ARID5B: variants seen among roughly 807,000 people sequenced by gnomAD.
The protein encoded by ARID5B is AT-rich interactive domain-containing protein 5B.
ARID5B carries 13 observed loss-of-function variants against 97.2 expected under a neutral mutation model. The ratio of observed to expected loss-of-function variants is 0.13; its 90% CI spans 0.09 to 0.21. ARID5B has a LOEUF of 0.21. Ranked by LOEUF, ARID5B falls within the 10% of genes least tolerant of loss-of-function variation. ARID5B has a pLI of 1.00. For missense variants in ARID5B, 1,210 were observed against 1,465.3 expected, an observed-to-expected ratio of 0.83 and a Z score of 2.84; for synonymous variants, 556 against 570.3, an observed-to-expected ratio of 0.97 and a Z score of 0.36.
intron 4 of ARID5B, among the ~76,000 whole-genome samples, chr10:62,030,546 G>A (rs1446521508): frequency 1.3e-5 from 2 of 152,220 alleles, no homozygotes; most frequent in African/African-American, 4.8e-5. Context: ...CTGCTTACAT[G>A]GATGAGTGGG....
chr10:62,011,799 A>G (rs192236157), intron 4 of ARID5B, among the ~76,000 whole-genome samples: 1 of 152,340 alleles, frequency 6.6e-6, no homozygotes, highest in East Asian at 1.9e-4. Flanking sequence ...AGAGTAGTGA[A>G]TGAAGCTAAG....
chr10:61,963,568 G>A (rs1253203147), intron 3 of ARID5B, among the ~76,000 whole-genome samples: 1 of 151,934 alleles, frequency 6.6e-6, no homozygotes, highest in African/African-American at 2.4e-5. Context: ...TGACCTATAT[G>A]TCTCTCCCTG....
chr10:61,910,465 A>C (rs1188941070), intron 2 of ARID5B, among the ~76,000 whole-genome samples: 1 of 152,218 alleles, frequency 6.6e-6, no homozygotes, highest in Non-Finnish European at 1.5e-5. Flanking sequence ...TTGTTGGCTT[A>C]AGGATTCATT....
At chr10:61,981,174 T>C (rs1838772039) in intron 3 of ARID5B, among the ~76,000 whole-genome samples, 1 of 152,138 alleles carries the variant, frequency 6.6e-6, no homozygotes, top group Non-Finnish European at 1.5e-5. Flanking sequence ...GAAATACACA[T>C]CAAGGGCTTA....
In ARID5B at chr10:61,995,798, T is replaced by C. The variant is rs77450045; in HGVS notation, c.503-4293T>C. On this transcript the variant is annotated intron_variant, in intron 3 of 9. Coordinates refer to ENST00000279873, the MANE Select transcript of ARID5B (RefSeq NM_032199.3). ...TTTCCCTTTTACTTTTCACTTAGAA[T>C]GCTTTGTAAACTTTCCTAGGAGTCC... Among the ~76,000 whole-genome samples, 7 of 152,330 alleles carry C rather than the reference T, an allele frequency of 4.6e-5. No homozygotes were observed. The East Asian group carries it at 1.3e-3, about 29-fold the overall frequency.
chr10:62,070,140 T>C (rs1240072720), intron 8 of ARID5B, among the ~76,000 whole-genome samples: 1 of 152,156 alleles, frequency 6.6e-6, no homozygotes, highest in Non-Finnish European at 1.5e-5. Flanking sequence ...AATGCTACTC[T>C]GAGGTTGACA....
chr10:62,084,334 G>A (rs371919637), intron 8 of ARID5B, among the ~76,000 whole-genome samples: 4 of 152,276 alleles, frequency 2.6e-5, no homozygotes, highest in Admixed American at 6.5e-5. Flanking sequence ...CTGAACAATC[G>A]TGTATGGTTA....
intron 5 of ARID5B, among the ~76,000 whole-genome samples, chr10:62,053,255 C>A (rs900681003): frequency 6.6e-6 from 1 of 152,182 alleles, no homozygotes; most frequent in Non-Finnish European, 1.5e-5. Flanking sequence ...TTTAAAAGTG[C>A]CTCAAACAGA....
At chr10:61,974,234 G>A (rs1186287477) in intron 3 of ARID5B, among the ~76,000 whole-genome samples, 2 of 152,210 alleles carry the variant, frequency 1.3e-5, no homozygotes, top group Admixed American at 1.3e-4. Context: ...ATAACGCAAA[G>A]TGATTATTTG....
Position 62,000,078 on chromosome 10 carries a change from C to T in ARID5B, c.503-13C>T, listed in dbSNP as rs772433782. Reference sequence around the variant, plus strand: ...GGGAAGAGGGTAATGGAAGTGTTTTCTCGTTTGTCTAGGGGAGGACGAGGA... The same window carrying T: ...GGGAAGAGGGTAATGGAAGTGTTTTTTCGTTTGTCTAGGGGAGGACGAGGA... On this transcript the variant is annotated splice_polypyrimidine_tract_variant and intron_variant, in intron 3 of 9. Transcript: ENST00000279873. This position sits in a 1 kb window ranked among gnomAD's most constrained non-coding sequence, Gnocchi z 4.4. 6.2e-7 allele frequency: 1 copy of T among 1,612,934 alleles called. No homozygotes were observed. The highest frequency in any genetic ancestry group is 8.5e-7 in the Non-Finnish European group (1 of 1,179,040).
chr10:62,069,580 TTC>T (rs755936956), intron 7 of ARID5B, 118 bp from the exon 8 acceptor site: 11 of 823,172 alleles, frequency 1.3e-5, no homozygotes, highest in Non-Finnish European at 1.8e-5. Flanking sequence ...TCTTTTGGAC[TTC>T]TCTGTTTCTG....
chr10:62,077,029 G>T (rs1165014640), intron 8 of ARID5B, among the ~76,000 whole-genome samples: 2 of 152,176 alleles, frequency 1.3e-5, no homozygotes, highest in Admixed American at 1.3e-4. Flanking sequence ...AAAACAAGTT[G>T]CCCAGAGTTA....
chr10:61,962,993 G>GT (rs758366419), intron 3 of ARID5B, among the ~76,000 whole-genome samples: 45 of 151,800 alleles, frequency 3.0e-4, no homozygotes, highest in Middle Eastern at 3.4e-3. Flanking sequence ...CCCTACAGTT[G>GT]TTTTTTTTCT....
chr10:62,065,633 C>G (rs527855639), intron 7 of ARID5B, among the ~76,000 whole-genome samples: 1 of 152,002 alleles, frequency 6.6e-6, no homozygotes, highest in African/African-American at 2.4e-5. Context: ...ATCACGAGGT[C>G]AGGAGATCGA....
chr10:62,092,999 T>G lies in ARID5B; in HGVS notation c.3536T>G (p.Leu1179Arg). 1 of 1,612,022 alleles carries G rather than the reference T, an allele frequency of 6.2e-7. No homozygotes were observed. ...NPQAAFPSSQ[L>R]SSVHPSTKL ...CAAGCTGCCTTTCCATCTTCCCAGC[T>G]GTCATCCGTGCACCCCAGTACAAAA... Residue 1179 changes from leucine (L) to arginine (R), a missense_variant, in exon 10 of 10, where the codon CTG (leucine) becomes CGG (arginine). Physicochemically the swap from Leu to Arg is moderately radical, Grantham distance 102. This residue lies in a region of ARID5B where 54 missense variants were observed against 67.4 expected (regional missense o/e 0.80). Coordinates refer to ENST00000279873, the MANE Select transcript of ARID5B (RefSeq NM_032199.3).
chr10:62,036,655 T>C (rs1839568628), intron 4 of ARID5B, among the ~76,000 whole-genome samples: 1 of 152,188 alleles, frequency 6.6e-6, no homozygotes. Context: ...CCTTGGAAAG[T>C]GTGTTTCAGT....
intron 4 of ARID5B, among the ~76,000 whole-genome samples, chr10:62,007,587 A>G (rs1839162257): frequency 1.3e-5 from 2 of 152,208 alleles, no homozygotes; most frequent in African/African-American, 4.8e-5. Context: ...TAGATGGTCC[A>G]TGTAAGTGCT....
In ARID5B at chr10:61,979,560, G is replaced by A. The variant is rs563784105; in HGVS notation, c.503-20531G>A. ...CCAATTGGAGGTCTTTTCTCCAGGC[G>A]TCTCCCACGTGGAGGCCCCTTTTGC... On this transcript the variant is annotated intron_variant, in intron 3 of 9. Coordinates refer to ENST00000279873, the MANE Select transcript of ARID5B (RefSeq NM_032199.3). Among the ~76,000 whole-genome samples the A allele has an allele frequency of 9.0e-4, 137 of 152,130 alleles. 4 individuals are homozygous for A. In the South Asian group the frequency reaches 0.026, roughly 29 times the overall value.
chr10:61,990,208 A>G (rs928284435), intron 3 of ARID5B, among the ~76,000 whole-genome samples: 9 of 152,230 alleles, frequency 5.9e-5, no homozygotes, highest in African/African-American at 2.2e-4. Flanking sequence ...AAGGAAAACA[A>G]TGCAACCTAT....
Sources: allele counts gnomAD v4.1 joint callset (sites outside exome capture counted in the v4.1 genomes callset), GRCh38; gene constraint gnomAD v4.1.1; regional missense constraint gnomAD v4.1.1; non-coding constraint Gnocchi (gnomAD v3.1); transcripts MANE v1.5; gene names NCBI Gene and HGNC (gene_info 2026-07-23, HGNC 2026-07-21).